COL1A1: variants seen among roughly 807,000 people sequenced by gnomAD.
COL1A1 encodes the protein collagen alpha-1(I) chain.
A neutral mutation model predicts 195.7 loss-of-function variants in COL1A1; 21 were observed. The observed-to-expected ratio is 0.11, with a 90% CI of 0.08 to 0.15. The LOEUF (loss-of-function observed/expected upper bound fraction) is 0.15. COL1A1 is among the 10% of genes least tolerant of loss of function. COL1A1 has a pLI of 1.00. For missense variants in COL1A1, 1,365 were observed against 2,051.0 expected (o/e 0.67, Z 6.46); for synonymous variants, 749 against 747.3 (o/e 1.00, Z -0.04).
In COL1A1 at chr17:50,195,964, G is replaced by C; in HGVS notation, c.1015C>G (p.Pro339Ala). The change falls in exon 16 of 51, where the codon CCC (proline) becomes GCC (alanine). Residue 339 changes from proline (P) to alanine (A), a missense_variant. Transcript: ENST00000225964. The surrounding 1 kb of genome is among the most constrained non-coding windows in gnomAD (Gnocchi z 4.3). ...CCAGGGAAGCCAGGAGGACCAGCGGGGCCGGTGGGACCCTGTGAATGAAAT... is the reference window on the plus strand; with the variant it reads ...CCAGGGAAGCCAGGAGGACCAGCGGCGCCGGTGGGACCCTGTGAATGAAAT... Reference protein sequence around the residue: ...GAAGPPGPTGPAGPPGFPGAV... With the variant: ...GAAGPPGPTGAAGPPGFPGAV... The C allele has an allele frequency of 6.3e-7, 1 of 1,594,774 alleles. No individual in the cohort carries two copies. Among genetic ancestry groups the C allele is most frequent in the Non-Finnish European group, 8.5e-7 (1 of 1,170,362 alleles).
Position 50,185,458 on chromosome 17 carries a change from A to T in COL1A1, c.*44T>A, listed in dbSNP as rs757339027. Reference sequence around the variant, plus strand: ...GCTTGTCTGTTTCCGGGTTGGGGGGAAAGTTGGTTGGGTGGGAGGGAGCCA... The same window carrying T: ...GCTTGTCTGTTTCCGGGTTGGGGGGTAAGTTGGTTGGGTGGGAGGGAGCCA... On this transcript the variant is annotated 3_prime_UTR_variant, in exon 51 of 51. Coordinates refer to ENST00000225964, the MANE Select transcript of COL1A1 (RefSeq NM_000088.4). 48 of 1,610,204 alleles carry T rather than the reference A, an allele frequency of 3.0e-5. No individual in the cohort carries two copies. In the South Asian group the frequency reaches 5.0e-4, roughly 17 times the overall value.
At chr17:50,196,922 C>A in intron 11 of COL1A1, 88 bp downstream of exon 11, 1 of 1,469,186 alleles carries the variant, frequency 6.8e-7, no homozygotes, top group Non-Finnish European at 9.5e-7. Context: ...CACCATGATG[C>A]AACTCAGTAT....
chr17:50,199,466 G>A lies in COL1A1; in HGVS notation c.334-13C>T, dbSNP rs2144592149. On this transcript the variant is annotated splice_polypyrimidine_tract_variant and intron_variant, in intron 3 of 50. Transcript: ENST00000225964. ...CTCCCTTGGGTCCCTGTGGGATTGG[G>A]GGAGAAGAAACAAGAGGCCAGGTTA... 4 of 1,614,198 alleles carry A rather than the reference G, an allele frequency of 2.5e-6. No homozygotes were observed. The highest frequency in any genetic ancestry group is 4.5e-5 in the East Asian group (2 of 44,884).
chr17:50,194,740 G>A lies in COL1A1; in HGVS notation c.1442C>T (p.Pro481Leu). Residue 481 changes from proline to leucine, a missense_variant, in exon 21 of 51, where the codon CCC becomes CTC. Transcript: ENST00000225964. This position sits in a 1 kb window ranked among gnomAD's most constrained non-coding sequence, Gnocchi z 6.8. ...ARGEPGPTGL[P>L]GPPGERGGPG... The stretch of plus-strand genomic sequence containing the variant: ...ACTTACACGCTCGCCAGGGGGTCCG[G>A]GCAGGCCAGTGGGTCCGGGTTCACC... The A allele has an allele frequency of 6.4e-7, 1 of 1,571,026 alleles. No individual in the cohort carries two copies. The highest frequency in any genetic ancestry group is 8.6e-7 in the Non-Finnish European group (1 of 1,157,430).
At position 50,189,325 on chromosome 17, in the gene COL1A1, C is replaced by G; in HGVS notation, c.2830-50G>C. On this transcript the variant is annotated intron_variant, in intron 39 of 50. Coordinates refer to ENST00000225964, the MANE Select transcript of COL1A1 (RefSeq NM_000088.4). This position sits in a 1 kb window ranked among gnomAD's most constrained non-coding sequence, Gnocchi z 5.5. ...GTGCCAGAGAGCAGCACAGGGACCCCTCCCCAGCTCTGCACACCTCCGGAG... is the reference window on the plus strand; with the variant it reads ...GTGCCAGAGAGCAGCACAGGGACCCGTCCCCAGCTCTGCACACCTCCGGAG... 1.9e-6 allele frequency: 3 copies of G among 1,613,800 alleles called. No individual in the cohort carries two copies. Among genetic ancestry groups the G allele is most frequent in the Non-Finnish European group, 1.7e-6 (2 of 1,179,898 alleles).
At chr17:50,197,273 C>G (rs1404823975) in intron 9 of COL1A1, 40 bp from the exon 10 acceptor site, 22 of 1,604,948 alleles carry the variant, frequency 1.4e-5, no homozygotes, top group Non-Finnish European at 1.7e-5. Flanking sequence ...TCTGCCTCCC[C>G]ACCACCGCCT....
Position 50,187,164 on chromosome 17 carries a change from C to T in COL1A1, c.3424-42G>A, listed in dbSNP as rs575561206. ...GGTTTGAGAAAGGCTGCCAGAAGCC[C>T]GAACAACCCCAGCTCTGGAGGAGAG... On this transcript the variant is annotated intron_variant, in intron 46 of 50. Coordinates refer to ENST00000225964, the MANE Select transcript of COL1A1 (RefSeq NM_000088.4). 192 of 1,484,340 alleles carry T rather than the reference C, an allele frequency of 1.3e-4. 2 individuals carry two copies. The South Asian group carries it at 2.0e-3, about 15-fold the overall frequency. The allele number at this position is 1,484,340 out of a possible 1,614,324, so 91.9% of individuals were successfully genotyped here.
chr17:50,187,445 C>T, intron 46 of COL1A1, 39 bp downstream of exon 46: 2 of 1,611,930 alleles, frequency 1.2e-6, no homozygotes, highest in East Asian at 2.2e-5. Context: ...TGAGCCTGGG[C>T]TTGGGGCTCA....
rs1906380547 is a variant in COL1A1 at position 50,185,257 on chromosome 17, C to CTTCT, written c.*244_*245insAGAA. On this transcript the variant is annotated 3_prime_UTR_variant, in exon 51 of 51. Coordinates refer to ENST00000225964, the MANE Select transcript of COL1A1 (RefSeq NM_000088.4). ...TTTTTTAAAAAGTTATTTATTTATT[C>CTTCT]TTTTTTTTTTTTTTTTTTTGGTAAG... 1 of 191,288 alleles carries CTTCT rather than the reference C, an allele frequency of 5.2e-6. No homozygotes were observed. Among genetic ancestry groups the CTTCT allele is most frequent in the East Asian group, 8.5e-5 (1 of 11,824 alleles). The allele number at this position is 191,288 out of a possible 1,614,324, so 11.8% of individuals were successfully genotyped here. A position where few individuals can be genotyped will look rare whatever the true frequency, so the allele number is the denominator to read the frequency against.
In COL1A1 at chr17:50,201,497, T is replaced by C; in HGVS notation, c.17A>G (p.Asp6Gly). 1.2e-6 allele frequency: 2 copies of C among 1,611,968 alleles called. No individual in the cohort carries two copies. The highest frequency in any genetic ancestry group is 1.3e-5 in the African/African-American group (1 of 74,978). Residue 6 changes from aspartate (D) to glycine (G), a missense_variant, in exon 1 of 51, where the codon GAC (aspartate) becomes GGC (glycine). By Grantham distance (94) the Asp-to-Gly change is moderately conservative (BLOSUM62 -1). Coordinates refer to ENST00000225964, the MANE Select transcript of COL1A1 (RefSeq NM_000088.4). Reference protein sequence around the residue: MFSFVDLRLLLLLAAT... With the variant: MFSFVGLRLLLLLAAT... ...CGCTAAGAGGAGCAGGAGCCGGAGG[T>C]CCACAAAGCTGAACATGTCTAGACC...
intron 46 of COL1A1, 84 bp downstream of exon 46, chr17:50,187,400 A>G: frequency 7.1e-7 from 1 of 1,418,048 alleles, no homozygotes; most frequent in Non-Finnish European, 9.9e-7. Context: ...CAGAGAGGCA[A>G]AGGGTGCCTG....
intron 50 of COL1A1, 43 bp downstream of exon 50, chr17:50,185,735 G>C (rs574425891): frequency 6.2e-7 from 1 of 1,612,260 alleles, no homozygotes; most frequent in East Asian, 2.2e-5. Flanking sequence ...AAAAGCCCAA[G>C]GCCGGAGAGG....
Position 50,190,684 on chromosome 17 carries a change from G to T in COL1A1, c.2344-88C>A. 1.3e-6 allele frequency: 2 copies of T among 1,526,738 alleles called. No homozygotes were observed. The highest frequency in any genetic ancestry group is 1.8e-6 in the Non-Finnish European group (2 of 1,107,138). 94.6% of individuals were successfully genotyped at this position (1,526,738 alleles called of 1,614,324 possible). On this transcript the variant is annotated intron_variant, in intron 33 of 50. Coordinates refer to ENST00000225964, the MANE Select transcript of COL1A1 (RefSeq NM_000088.4). The surrounding 1 kb of genome is among the most constrained non-coding windows in gnomAD (Gnocchi z 4.7). ...CCCAGGAGAGCCTCCCCTCCTTCTG[G>T]TCCCTCCAGGTTCCCAGGTTGACAG...
rs1007085 is a variant in COL1A1 at position 50,194,415 on chromosome 17, A to G, written c.1548T>C (p.Pro516=). Residue 516 remains proline (P), a synonymous_variant, in exon 23 of 51, where the codon CCT becomes CCC. Transcript: ENST00000225964. This position sits in a 1 kb window ranked among gnomAD's most constrained non-coding sequence, Gnocchi z 6.8. The stretch of plus-strand genomic sequence containing the variant: ...CACCAGGAGATCCTTTGGGGCCAGC[A>G]GGGCCAGGAGAACCACGTTCACCAG... ...GPAGERGSPG[P]AGPKGSPGEA... 1.2e-6 allele frequency: 2 copies of G among 1,614,074 alleles called. No homozygotes were observed. The highest frequency in any genetic ancestry group is 1.7e-6 in the Non-Finnish European group (2 of 1,180,004).
At chr17:50,200,945 C>T (rs1210986660) in intron 1 of COL1A1, among the ~76,000 whole-genome samples, 2 of 152,254 alleles carry the variant, frequency 1.3e-5, no homozygotes, top group African/African-American at 4.8e-5. Flanking sequence ...TCCACCCGCC[C>T]ACGCTCCGCA....
Position 50,188,006 on chromosome 17 carries a change from C to T in COL1A1, c.3262-23G>A, listed in dbSNP as rs1301409245. ...TCCCTAGAAGAGAGAAAGGGACAAA[C>T]TGTCAGGCGGAAGTTCCATTGGCAT... On this transcript the variant is annotated intron_variant, in intron 44 of 50. Transcript: ENST00000225964. The surrounding 1 kb of genome is among the most constrained non-coding windows in gnomAD (Gnocchi z 5.6). 1 of 1,613,898 alleles carries T rather than the reference C, an allele frequency of 6.2e-7. No individual in the cohort carries two copies. The highest frequency in any genetic ancestry group is 1.3e-5 in the African/African-American group (1 of 74,928).
At chr17:50,201,308 G>T (rs768457881) in intron 1 of COL1A1, 103 bp downstream of exon 1, 5 of 1,053,908 alleles carry the variant, frequency 4.7e-6, no homozygotes, top group South Asian at 2.7e-5. Flanking sequence ...TTCCATTCCC[G>T]AGTCTCCGGA....
rs150803124 is a variant in COL1A1 at position 50,191,451 on chromosome 17, C to T, written c.2167G>A (p.Ala723Thr). 2.3e-4 allele frequency: 368 copies of T among 1,613,860 alleles called. 5 individuals are homozygous for T. The South Asian group carries it at 3.4e-3, about 15-fold the overall frequency. ...CCAGGCATTCCCTGAAGGCCAGGGGCGCCCTGGCTACCGGGAGCTCCAGGG... is the reference window on the plus strand; with the variant it reads ...CCAGGCATTCCCTGAAGGCCAGGGGTGCCCTGGCTACCGGGAGCTCCAGGG... ...GAPGAPGSQGAPGLQGMPGER... is the reference protein window; with the variant it reads ...GAPGAPGSQGTPGLQGMPGER... Residue 723 changes from alanine to threonine, a missense_variant, in exon 32 of 51, where the codon GCC (alanine) becomes ACC (threonine). Transcript: ENST00000225964.
At position 50,189,577 on chromosome 17, in the gene COL1A1, C is replaced by G. The variant is rs1391013279; in HGVS notation, c.2668-39G>C. 1.2e-6 allele frequency: 2 copies of G among 1,613,198 alleles called. No individual in the cohort carries two copies. Among genetic ancestry groups the G allele is most frequent in the African/African-American group, 2.7e-5 (2 of 74,740 alleles). ...GGAGGGGCTGTCAGACTCCAGGGGG[C>G]TCTGGTGCATCATTGGGTCCTCAGT... On this transcript the variant is annotated intron_variant, in intron 38 of 50. Coordinates refer to ENST00000225964, the MANE Select transcript of COL1A1 (RefSeq NM_000088.4). This position sits in a 1 kb window ranked among gnomAD's most constrained non-coding sequence, Gnocchi z 5.5.
Sources: gnomAD v4.1 joint callset for allele counts (sites outside exome capture counted in the v4.1 genomes callset) on GRCh38, gnomAD v4.1.1 for gene constraint, Gnocchi (gnomAD v3.1) non-coding constraint, MANE v1.5 for transcripts, NCBI Gene and HGNC (gene_info 2026-07-23, HGNC 2026-07-21) for gene names.